NYAP1: variants seen among roughly 807,000 people sequenced by gnomAD.
The protein encoded by NYAP1 is neuronal tyrosine-phosphorylated phosphoinositide-3-kinase adapter 1.
In NYAP1, 20 loss-of-function variants were observed where a neutral mutation model predicts 58.6. The observed-to-expected ratio is 0.34, with a 90% confidence interval of 0.24 to 0.50. The LOEUF (loss-of-function observed/expected upper bound fraction) is 0.50. Among genes scored for constraint, NYAP1 ranks in the 20% least tolerant of loss-of-function variants. NYAP1 has a pLI of 0.98. For synonymous variants in NYAP1, 572 were observed against 523.1 expected (o/e 1.09, Z -1.27); for missense variants, 1,150 against 1,194.5 (o/e 0.96, Z 0.55).
Position 100,490,817 on chromosome 7 carries a change from C to T in NYAP1, c.2158+88C>T, listed in dbSNP as rs1479579805. The T allele has an allele frequency of 4.7e-6, 6 of 1,269,778 alleles. No homozygotes were observed. 78.7% of individuals were successfully genotyped at this position (1,269,778 alleles called of 1,614,324 possible). Reference sequence around the variant, plus strand: ...CTGCACCTGTCCTGACTTCCTCTCACCTGTTCACGTCTGTGCCCAGGGCCC... The same window carrying T: ...CTGCACCTGTCCTGACTTCCTCTCATCTGTTCACGTCTGTGCCCAGGGCCC... On this transcript the variant is annotated intron_variant, in intron 5 of 6. Coordinates refer to ENST00000300179, the MANE Select transcript of NYAP1 (RefSeq NM_173564.4). The surrounding 1 kb of genome is among the most constrained non-coding windows in gnomAD (Gnocchi z 4.6).
chr7:100,491,901 G>T (rs1799799563), intron 6 of NYAP1, among the ~76,000 whole-genome samples: 1 of 152,180 alleles, frequency 6.6e-6, no homozygotes, highest in Non-Finnish European at 1.5e-5. Context: ...ACAAAAATTA[G>T]CCGGGCGTGG....
chr7:100,487,073 G>A lies in NYAP1; in HGVS notation c.321G>A (p.Glu107=), dbSNP rs1158563537. 6 of 1,597,858 alleles carry A rather than the reference G, an allele frequency of 3.8e-6. No homozygotes were observed. Among genetic ancestry groups the A allele is most frequent in the Non-Finnish European group, 4.3e-6 (5 of 1,172,304 alleles). The part of the protein sequence containing the change: ...GPGGASGGLT[E]DSSTRRPPAK... Reference sequence around the variant, plus strand: ...GCGGGGCCAGTGGGGGCCTCACAGAGGACAGCAGCACCCGAAGACCCCCTG... The same window carrying A: ...GCGGGGCCAGTGGGGGCCTCACAGAAGACAGCAGCACCCGAAGACCCCCTG... The change falls in exon 3 of 7, where the codon GAG becomes GAA. Residue 107 remains glutamate, a synonymous_variant. Transcript: ENST00000300179. The surrounding 1 kb of genome is among the most constrained non-coding windows in gnomAD (Gnocchi z 4.1).
rs1799848787 is a variant in NYAP1 at position 100,494,746 on chromosome 7, C to A, written c.*843C>A. Reference sequence around the variant, plus strand: ...AACAAAACAGAAGAGATGTCAGGAACTTTTTTTTAATTCCTTTCTTTTCAG... The same window carrying A: ...AACAAAACAGAAGAGATGTCAGGAAATTTTTTTTAATTCCTTTCTTTTCAG... On this transcript the variant is annotated 3_prime_UTR_variant, in exon 7 of 7. Transcript: ENST00000300179. 1 of 144,488 alleles carries A rather than the reference C, an allele frequency of 6.9e-6. No homozygotes were observed. Among genetic ancestry groups the A allele is most frequent in the Non-Finnish European group, 1.5e-5 (1 of 65,124 alleles). 9.0% of individuals were successfully genotyped at this position (144,488 alleles called of 1,614,324 possible).
At position 100,490,562 on chromosome 7, in the gene NYAP1, C is replaced by T. The variant is rs1300050299; in HGVS notation, c.1991C>T (p.Pro664Leu). 2 of 1,588,110 alleles carry T rather than the reference C, an allele frequency of 1.3e-6. No homozygotes were observed. Among genetic ancestry groups the T allele is most frequent in the Admixed American group, 1.8e-5 (1 of 55,684 alleles). ...GCCTGGAATGGCAGTGCCGAGGGTCCAGGCAAGGTGGAGCGTGAGGACAGG... is the reference window on the plus strand; with the variant it reads ...GCCTGGAATGGCAGTGCCGAGGGTCTAGGCAAGGTGGAGCGTGAGGACAGG... ...ARAWNGSAEG[P>L]GKVEREDRGP... Residue 664 changes from proline to leucine, a missense_variant, in exon 5 of 7, where the codon CCA becomes CTA. Pro to Leu is a moderately conservative substitution (Grantham distance 98). Coordinates refer to ENST00000300179, the MANE Select transcript of NYAP1 (RefSeq NM_173564.4). The surrounding 1 kb of genome is among the most constrained non-coding windows in gnomAD (Gnocchi z 4.6).
Position 100,486,887 on chromosome 7 carries a change from C to G in NYAP1, c.135C>G (p.Arg45=). The change falls in exon 3 of 7, where the codon CGC becomes CGG. Residue 45 remains arginine (R), a synonymous_variant. Coordinates refer to ENST00000300179, the MANE Select transcript of NYAP1 (RefSeq NM_173564.4). This position sits in a 1 kb window ranked among gnomAD's most constrained non-coding sequence, Gnocchi z 6.2. ...CGGCCGGCCAGGGGCCTGGGGTCCG[C>G]GTGCGGGACATCGCCTCGCTGCGGC... ...GPAAGQGPGV[R]VRDIASLRRS... The G allele has an allele frequency of 6.4e-7, 1 of 1,565,222 alleles. No individual in the cohort carries two copies. Among genetic ancestry groups the G allele is most frequent in the Non-Finnish European group, 8.6e-7 (1 of 1,159,010 alleles).
In NYAP1 at chr7:100,494,247, G is replaced by T. The variant is rs1024210405; in HGVS notation, c.*344G>T. On this transcript the variant is annotated 3_prime_UTR_variant, in exon 7 of 7. Coordinates refer to ENST00000300179, the MANE Select transcript of NYAP1 (RefSeq NM_173564.4). ...GGAAGGAAGGGATGGGAGGAAGAGG[G>T]GGGTGGGTGAGCTGAAAGAGAGGGA... 1.9e-5 allele frequency: 5 copies of T among 259,232 alleles called. No homozygotes were observed. Among genetic ancestry groups the T allele is most frequent in the Non-Finnish European group, 3.6e-5 (5 of 137,134 alleles). 16.1% of individuals were successfully genotyped at this position (259,232 alleles called of 1,614,324 possible).
Position 100,485,674 on chromosome 7 carries a change from C to T in NYAP1, c.68+295C>T, listed in dbSNP as rs574792746. 1.6e-4 allele frequency among the ~76,000 whole-genome samples: 24 copies of T among 152,204 alleles called. No homozygotes were observed. The highest frequency in any genetic ancestry group is 2.6e-4 in the Non-Finnish European group (18 of 68,030). On this transcript the variant is annotated intron_variant, in intron 2 of 6. Coordinates refer to ENST00000300179, the MANE Select transcript of NYAP1 (RefSeq NM_173564.4). This position sits in a 1 kb window ranked among gnomAD's most constrained non-coding sequence, Gnocchi z 5.7. ...CCTTCTCCTTTCTGCAAATTTGGGGCTGGCTGCGGGCTCTCCTGTCACCTG... is the reference window on the plus strand; with the variant it reads ...CCTTCTCCTTTCTGCAAATTTGGGGTTGGCTGCGGGCTCTCCTGTCACCTG...
In NYAP1 at chr7:100,488,572, C is replaced by G; in HGVS notation, c.851C>G (p.Thr284Arg). 6.2e-7 allele frequency: 1 copy of G among 1,601,246 alleles called. No individual in the cohort carries two copies. Among genetic ancestry groups the G allele is most frequent in the Non-Finnish European group, 8.5e-7 (1 of 1,174,374 alleles). ...CGGGCCAATGGCCCTCCACCATTGA[C>G]GGCAACATCCCCGCCACAACAGCCT... is the stretch of plus-strand genomic sequence containing the variant. ...EGRANGPPPLTATSPPQQPHA... is the reference protein window; with the variant it reads ...EGRANGPPPLRATSPPQQPHA... The change falls in exon 4 of 7, where the codon ACG becomes AGG. Residue 284 changes from threonine (T) to arginine (R), a missense_variant. Thr to Arg is a moderately conservative substitution (Grantham distance 71). Transcript: ENST00000300179. This position sits in a 1 kb window ranked among gnomAD's most constrained non-coding sequence, Gnocchi z 5.9.
chr7:100,491,889 A>G (rs1799799447), intron 6 of NYAP1, among the ~76,000 whole-genome samples: 1 of 152,184 alleles, frequency 6.6e-6, no homozygotes, highest in South Asian at 2.1e-4. Flanking sequence ...TGTACTAAAA[A>G]TACAAAAATT....
In NYAP1 at chr7:100,487,006, G is replaced by A. The variant is rs1260698568; in HGVS notation, c.254G>A (p.Cys85Tyr). ...RSAMAPRSLS[C>Y]HSVGSMDSVG... ...GCCATGGCCCCACGCTCCCTCTCCTGCCACTCGGTGGGCAGCATGGACAGT... is the reference window on the plus strand; with the variant it reads ...GCCATGGCCCCACGCTCCCTCTCCTACCACTCGGTGGGCAGCATGGACAGT... Residue 85 changes from cysteine to tyrosine, a missense_variant, in exon 3 of 7, where the codon TGC (cysteine) becomes TAC (tyrosine). By Grantham distance (194) the Cys-to-Tyr change is radical. Coordinates refer to ENST00000300179, the MANE Select transcript of NYAP1 (RefSeq NM_173564.4). The surrounding 1 kb of genome is among the most constrained non-coding windows in gnomAD (Gnocchi z 4.1). 1 of 1,609,464 alleles carries A rather than the reference G, an allele frequency of 6.2e-7. No individual in the cohort carries two copies. The highest frequency in any genetic ancestry group is 8.5e-7 in the Non-Finnish European group (1 of 1,178,216).
Position 100,490,645 on chromosome 7 carries a change from A to C in NYAP1, c.2074A>C (p.Arg692=), listed in dbSNP as rs990614174. The C allele has an allele frequency of 1.5e-5, 23 of 1,569,138 alleles. No individual in the cohort carries two copies. Among genetic ancestry groups the C allele is most frequent in the Non-Finnish European group, 2.0e-5 (23 of 1,157,510 alleles). The change falls in exon 5 of 7, where the codon AGG becomes CGG. Residue 692 remains arginine (R), a synonymous_variant. Coordinates refer to ENST00000300179, the MANE Select transcript of NYAP1 (RefSeq NM_173564.4). The surrounding 1 kb of genome is among the most constrained non-coding windows in gnomAD (Gnocchi z 4.6). ...CCAGGGGGCAGAGGGACTGCTGGCC[A>C]GGATCCACCATGGAGACCGAGGAGG... The part of the protein sequence containing the change: ...RSQGAEGLLA[R]IHHGDRGGSR...
At position 100,489,247 on chromosome 7, in the gene NYAP1, G is replaced by A; in HGVS notation, c.1526G>A (p.Gly509Glu). The A allele has an allele frequency of 6.2e-7, 1 of 1,605,188 alleles. No homozygotes were observed. The highest frequency in any genetic ancestry group is 1.1e-5 in the South Asian group (1 of 89,942). Residue 509 changes from glycine (G) to glutamate (E), a missense_variant, in exon 4 of 7, where the codon GGG becomes GAG. Transcript: ENST00000300179. ...ACCAGCTCAAGGCCCCCTGTGCCAG[G>A]GAAGACCAGCCCCCACGGTGGGGCC... is the stretch of plus-strand genomic sequence containing the variant. Reference protein sequence around the residue: ...LCTSSRPPVPGKTSPHGGAMG... With the variant: ...LCTSSRPPVPEKTSPHGGAMG...
intron 6 of NYAP1, 144 bp from the exon 7 acceptor site, chr7:100,493,502 G>A: frequency 2.6e-6 from 2 of 766,742 alleles, no homozygotes; most frequent in South Asian, 3.8e-5. Context: ...CCCACAGCCA[G>A]AGGGAGCCAG....
chr7:100,490,396 C>G lies in NYAP1; in HGVS notation c.1946-121C>G. 1.2e-6 allele frequency: 1 copy of G among 866,198 alleles called. No homozygotes were observed. The highest frequency in any genetic ancestry group is 1.9e-6 in the Non-Finnish European group (1 of 532,490). The allele number at this position is 866,198 out of a possible 1,614,324, so 53.7% of individuals were successfully genotyped here. On this transcript the variant is annotated intron_variant, in intron 4 of 6. Transcript: ENST00000300179. This position sits in a 1 kb window ranked among gnomAD's most constrained non-coding sequence, Gnocchi z 4.6. ...GAGTGTGAAGGAGCCCCATCCCAGC[C>G]GTTACTTGCAAAAGGGGCAATTGTG...
At position 100,493,660 on chromosome 7, in the gene NYAP1, G is replaced by A. The variant is rs766785953; in HGVS notation, c.2283G>A (p.Leu761=). ...CCGCGGCACAGCCCCACCCCGCGCT[G>A]CCGCTGCCTCTGCCCCTGCCGCCCC... ...RDALSQPHPA[L]PLPLPLPPQP... Residue 761 remains leucine (L), a synonymous_variant, in exon 7 of 7, where the codon CTG becomes CTA. Coordinates refer to ENST00000300179, the MANE Select transcript of NYAP1 (RefSeq NM_173564.4). 6.3e-7 allele frequency: 1 copy of A among 1,582,304 alleles called. No individual in the cohort carries two copies. The highest frequency in any genetic ancestry group is 1.1e-5 in the South Asian group (1 of 88,502).
rs1432074113 is a variant in NYAP1, at chr7:100,488,192, G to A, written c.471G>A (p.Arg157=). Residue 157 remains arginine, a synonymous_variant, in exon 4 of 7, where the codon CGG becomes CGA. Coordinates refer to ENST00000300179, the MANE Select transcript of NYAP1 (RefSeq NM_173564.4). This position sits in a 1 kb window ranked among gnomAD's most constrained non-coding sequence, Gnocchi z 5.9. ...CCCCAGAGGGCCGAGAGTCCAGCCGGAAGGTTCCTCCGCAGAAGCCCAGGC... is the reference window on the plus strand; with the variant it reads ...CCCCAGAGGGCCGAGAGTCCAGCCGAAAGGTTCCTCCGCAGAAGCCCAGGC... The part of the protein sequence containing the change: ...KPTPEGRESS[R]KVPPQKPRRS... 3 of 1,610,412 alleles carry A rather than the reference G, an allele frequency of 1.9e-6. No individual in the cohort carries two copies. Among genetic ancestry groups the A allele is most frequent in the Non-Finnish European group, 8.5e-7 (1 of 1,178,784 alleles).
In NYAP1 at chr7:100,488,872, C is replaced by A; in HGVS notation, c.1151C>A (p.Pro384His). 6.3e-7 allele frequency: 1 copy of A among 1,599,600 alleles called. No individual in the cohort carries two copies. The highest frequency in any genetic ancestry group is 8.5e-7 in the Non-Finnish European group (1 of 1,175,156). The part of the protein sequence containing the change: ...QVPARERETP[P>H]PPPPPPAANL... ...CCTGCACGGGAGCGGGAGACGCCTC[C>A]CCCACCGCCTCCACCTCCTGCTGCC... Residue 384 changes from proline (P) to histidine (H), a missense_variant, in exon 4 of 7, where the codon CCC becomes CAC. Transcript: ENST00000300179. The surrounding 1 kb of genome is among the most constrained non-coding windows in gnomAD (Gnocchi z 5.9).
At chr7:100,493,589 C>T (rs1799825976) in intron 6 of NYAP1, 57 bp from the exon 7 acceptor site, 25 of 1,443,904 alleles carry the variant, frequency 1.7e-5, no homozygotes, top group Non-Finnish European at 2.2e-5. Context: ...CCCGTCCGGT[C>T]ATGCTGAGGT....
At position 100,486,705 on chromosome 7, in the gene NYAP1, G is replaced by A; in HGVS notation, c.69-116G>A. 8.0e-7 allele frequency: 1 copy of A among 1,251,682 alleles called. No individual in the cohort carries two copies. Among genetic ancestry groups the A allele is most frequent in the South Asian group, 1.8e-5 (1 of 57,070 alleles). The allele number at this position is 1,251,682 out of a possible 1,614,324, so 77.5% of individuals were successfully genotyped here. The stretch of plus-strand genomic sequence containing the variant: ...CTTCTGGCAACCCTGTCCCCACCCA[G>A]GCTCCCGTCCTCTTCCCTGGGAAGC... On this transcript the variant is annotated intron_variant, in intron 2 of 6. Coordinates refer to ENST00000300179, the MANE Select transcript of NYAP1 (RefSeq NM_173564.4). The surrounding 1 kb of genome is among the most constrained non-coding windows in gnomAD (Gnocchi z 6.2).
Sources: allele counts gnomAD v4.1 joint callset (sites outside exome capture counted in the v4.1 genomes callset), GRCh38; gene constraint gnomAD v4.1.1; non-coding constraint Gnocchi (gnomAD v3.1); transcripts MANE v1.5; gene names NCBI Gene and HGNC (gene_info 2026-07-23, HGNC 2026-07-21).